Variants in C2CD2L observed in about 807,000 individuals in gnomAD.
C2CD2L encodes phospholipid transfer protein C2CD2L.
Under a neutral mutation model 69.9 loss-of-function variants are expected in C2CD2L, and 24 were observed. The observed-to-expected ratio is 0.34, with a 90% confidence interval of 0.25 to 0.48. The LOEUF (loss-of-function observed/expected upper bound fraction) is 0.48, where lower values mean the gene tolerates loss of function less well. Ranked by LOEUF, C2CD2L falls within the 20% of genes least tolerant of loss-of-function variation. The pLI is 0.99. For synonymous variants in C2CD2L, 367 were observed against 391.0 expected (o/e 0.94, Z 0.72); for missense variants, 811 against 941.5 (o/e 0.86, Z 1.81).
In C2CD2L at chr11:119,117,617, GA is replaced by G. The variant is rs1298475129; in HGVS notation, c.*1362del. On this transcript the variant is annotated 3_prime_UTR_variant, in exon 14 of 14. Coordinates refer to ENST00000648610, the MANE Select transcript of C2CD2L (RefSeq NM_001290474.2). ...TAACTGTTGCCTCAGAAGAAACTGG[GA>G]GGGGGAAGTCTTAGAAGTGTTTCAA... is the stretch of plus-strand genomic sequence containing the variant. 1.3e-5 allele frequency: 2 copies of G among 152,228 alleles called. No individual in the cohort carries two copies. The highest frequency in any genetic ancestry group is 2.9e-5 in the Non-Finnish European group (2 of 68,042). The allele number at this position is 152,228 out of a possible 1,614,324, so 9.4% of individuals were successfully genotyped here.
At position 119,107,731 on chromosome 11, in the gene C2CD2L, C is replaced by T; in HGVS notation, c.-11C>T. 2.7e-6 allele frequency: 4 copies of T among 1,479,252 alleles called. No individual in the cohort carries two copies. The highest frequency in any genetic ancestry group is 1.8e-6 in the Non-Finnish European group (2 of 1,126,118). The allele number at this position is 1,479,252 out of a possible 1,614,324, so 91.6% of individuals were successfully genotyped here. On this transcript the variant is annotated 5_prime_UTR_variant, in exon 1 of 14. Coordinates refer to ENST00000648610, the MANE Select transcript of C2CD2L (RefSeq NM_001290474.2). This position sits in a 1 kb window ranked among gnomAD's most constrained non-coding sequence, Gnocchi z 5.4. ...CCCCAGCCGGGACCGGGATCGGAGCCCGCGCGGAGCATGGATCCGGGCTGG... is the reference window on the plus strand; with the variant it reads ...CCCCAGCCGGGACCGGGATCGGAGCTCGCGCGGAGCATGGATCCGGGCTGG...
Position 119,112,546 on chromosome 11 carries a change from G to T in C2CD2L, c.1149G>T (p.Gln383His). The change falls in exon 9 of 14, where the codon CAG (glutamine) becomes CAT (histidine). Residue 383 changes from glutamine (Q) to histidine (H), a missense_variant. Coordinates refer to ENST00000648610, the MANE Select transcript of C2CD2L (RefSeq NM_001290474.2). ...CCTCCAGACCACTGTCTCGAAGACA[G>T]TTGTGCCCACTCACCCCAGGGCCAG... ...GSPSRPLSRR[Q>H]LCPLTPGPGK... is the part of the protein sequence containing the mutation. 1 of 1,613,460 alleles carries T rather than the reference G, an allele frequency of 6.2e-7. No individual in the cohort carries two copies. The highest frequency in any genetic ancestry group is 8.5e-7 in the Non-Finnish European group (1 of 1,179,830).
At chr11:119,106,019 C>T (rs1946579148), upstream of C2CD2L, among the ~76,000 whole-genome samples, 1 of 152,208 alleles carries the variant, frequency 6.6e-6, no homozygotes. Context: ...GATTAGAAAC[C>T]CAGACTCTAG....
chr11:119,105,912 C>T (rs1307965403), upstream of C2CD2L, among the ~76,000 whole-genome samples: 1 of 152,194 alleles, frequency 6.6e-6, no homozygotes. Flanking sequence ...CTCCCCTAAA[C>T]CCTAGCTGCT....
At chr11:119,108,126 T>C in intron 1 of C2CD2L, 31 bp downstream of exon 1, 1 of 1,462,366 alleles carries the variant, frequency 6.8e-7, no homozygotes, top group East Asian at 2.5e-5. Context: ...GGGTGGTCCC[T>C]TCAGCCTTTC....
In C2CD2L at chr11:119,118,345, A is replaced by G. The variant is rs2134984503; in HGVS notation, c.*2089A>G. 6.6e-6 allele frequency: 1 copy of G among 152,246 alleles called. No homozygotes were observed. Among genetic ancestry groups the G allele is most frequent in the South Asian group, 2.1e-4 (1 of 4,826 alleles). The allele number at this position is 152,246 out of a possible 1,614,324, so 9.4% of individuals were successfully genotyped here. On this transcript the variant is annotated 3_prime_UTR_variant, in exon 14 of 14. Coordinates refer to ENST00000648610, the MANE Select transcript of C2CD2L (RefSeq NM_001290474.2). ...TCCCACTTATAAATGAGAATATGCC[A>G]TATTTGACTTTGTTTCTGAGTTATT... is the stretch of plus-strand genomic sequence containing the variant.
Position 119,107,949 on chromosome 11 carries a change from C to A in C2CD2L, c.208C>A (p.Leu70Met). Residue 70 changes from leucine to methionine, a missense_variant, in exon 1 of 14, where the codon CTG becomes ATG. Coordinates refer to ENST00000648610, the MANE Select transcript of C2CD2L (RefSeq NM_001290474.2). This position sits in a 1 kb window ranked among gnomAD's most constrained non-coding sequence, Gnocchi z 5.4. Reference protein sequence around the residue: ...LRELGVWRSLLRLRATRAGAA... With the variant: ...LRELGVWRSLMRLRATRAGAA... ...GGAGCTGGGCGTGTGGCGCTCGCTG[C>A]TGCGGCTGCGGGCGACTCGGGCTGG... The A allele has an allele frequency of 6.5e-7, 1 of 1,548,972 alleles. No homozygotes were observed. The highest frequency in any genetic ancestry group is 1.4e-5 in the African/African-American group (1 of 69,330).
rs1001491821 is a variant in C2CD2L, at chr11:119,116,517, C to A, written c.*261C>A. ...GCCCTGTCCGGCATGTGTGGGTATT[C>A]CCCAGAAGCATTTGCCTCCTGCTGA... On this transcript the variant is annotated 3_prime_UTR_variant, in exon 14 of 14. Coordinates refer to ENST00000648610, the MANE Select transcript of C2CD2L (RefSeq NM_001290474.2). 10 of 572,622 alleles carry A rather than the reference C, an allele frequency of 1.7e-5. No individual in the cohort carries two copies. The highest frequency in any genetic ancestry group is 2.8e-5 in the Non-Finnish European group (9 of 320,196). The allele number at this position is 572,622 out of a possible 1,614,324, so 35.5% of individuals were successfully genotyped here.
In C2CD2L at chr11:119,110,118, C is replaced by T. The variant is rs1240701782; in HGVS notation, c.369C>T (p.Ile123=). The T allele has an allele frequency of 1.6e-5, 26 of 1,612,990 alleles. No individual in the cohort carries two copies. The highest frequency in any genetic ancestry group is 2.2e-5 in the Non-Finnish European group (26 of 1,179,036). Residue 123 remains isoleucine, a synonymous_variant, in exon 2 of 14, where the codon ATC becomes ATT. Transcript: ENST00000648610. This position sits in a 1 kb window ranked among gnomAD's most constrained non-coding sequence, Gnocchi z 5.7. ...TACTCCCTCAGAGCTCCATCCAAAT[C>T]GCCTTTGAGGAGGTGCCCCAACTCC... ...QACRNGSSIQ[I]AFEEVPQLPP... is the part of the protein sequence containing the mutation.
rs773448525 is a variant in C2CD2L, at chr11:119,111,063, A to C, written c.693A>C (p.Glu231Asp). Reference protein sequence around the residue: ...PKLQARERGEEQVELSTIEEL... With the variant: ...PKLQARERGEDQVELSTIEEL... The stretch of plus-strand genomic sequence containing the variant: ...TCTTCTCTCTGCAGAGAGGTGAAGA[A>C]CAAGTGGAGCTCTCCACAATTGAGG... Residue 231 changes from glutamate to aspartate, a missense_variant, in exon 5 of 14, where the codon GAA becomes GAC. By Grantham distance (45) the Glu-to-Asp change is conservative. Coordinates refer to ENST00000648610, the MANE Select transcript of C2CD2L (RefSeq NM_001290474.2). 6.2e-7 allele frequency: 1 copy of C among 1,614,032 alleles called. No individual in the cohort carries two copies. The highest frequency in any genetic ancestry group is 1.1e-5 in the South Asian group (1 of 91,076).
At position 119,112,351 on chromosome 11, in the gene C2CD2L, A is replaced by G. The variant is rs758713281; in HGVS notation, c.1043A>G (p.Glu348Gly). Residue 348 changes from glutamate (E) to glycine (G), a missense_variant, in exon 8 of 14, where the codon GAG becomes GGG. Transcript: ENST00000648610. ...AGGGATCTGGGCCCCCAGAGCCGGG[A>G]GCTGACCCTCAAAGTGCTGAGGAGC... ...LALDLGPQSR[E>G]LTLKVLRSSS... The G allele has an allele frequency of 8.1e-6, 13 of 1,613,026 alleles. No homozygotes were observed. Among genetic ancestry groups the G allele is most frequent in the Non-Finnish European group, 1.1e-5 (13 of 1,179,858 alleles).
In C2CD2L at chr11:119,112,486, ACTC is replaced by A; in HGVS notation, c.1092_1094del (p.Leu365del). The A allele has an allele frequency of 6.2e-7, 1 of 1,613,652 alleles. No individual in the cohort carries two copies. Among genetic ancestry groups the A allele is most frequent in the South Asian group, 1.1e-5 (1 of 91,078 alleles). On this transcript the variant is annotated inframe_deletion, in exon 9 of 14. Transcript: ENST00000648610. ...CAGTGCCATCCCTTTCCCCAGCCGA[ACTC>A]CTAGGCCAGGCCACACTGCCTGTGG...
rs11314104 is a variant in C2CD2L at position 119,114,637 on chromosome 11, TA to T, written c.1909+281del. 0.57 allele frequency: 239,977 copies of T among 418,154 alleles called. 71,883 individuals carry two copies. Among genetic ancestry groups the T allele is most frequent in the African/African-American group, 0.76 (37,790 of 49,504 alleles). 25.9% of individuals were successfully genotyped at this position (418,154 alleles called of 1,614,324 possible). A position where few individuals can be genotyped will look rare whatever the true frequency, so the allele number is the denominator to read the frequency against. On this transcript the variant is annotated intron_variant, in intron 13 of 13. Coordinates refer to ENST00000648610, the MANE Select transcript of C2CD2L (RefSeq NM_001290474.2). The surrounding 1 kb of genome is among the most constrained non-coding windows in gnomAD (Gnocchi z 5.1). Reference sequence around the variant, plus strand: ...TCTAAGTGCCATTTTTCCTGCCCTTTAAAAAAAAATTATAAAAATTTATTCC... The same window carrying T: ...TCTAAGTGCCATTTTTCCTGCCCTTTAAAAAAAATTATAAAAATTTATTCC...
rs1262964331 is a variant in C2CD2L at position 119,114,007 on chromosome 11, G to A, written c.1623+19G>A. 1.2e-6 allele frequency: 2 copies of A among 1,613,538 alleles called. No homozygotes were observed. On this transcript the variant is annotated intron_variant, in intron 12 of 13. Transcript: ENST00000648610. The surrounding 1 kb of genome is among the most constrained non-coding windows in gnomAD (Gnocchi z 5.1). ...TTCCAAGGTAACAGGGCTCTGGGGAGAGGAGCTGGGATGGGGAGAAAGCCC... is the reference window on the plus strand; with the variant it reads ...TTCCAAGGTAACAGGGCTCTGGGGAAAGGAGCTGGGATGGGGAGAAAGCCC...
At chr11:119,111,815 C>T in intron 7 of C2CD2L, 186 bp downstream of exon 7, 1 of 558,100 alleles carries the variant, frequency 1.8e-6, no homozygotes, top group East Asian at 3.0e-5. Context: ...ACCCCTGGGT[C>T]AATGACAAGC....
Position 119,116,443 on chromosome 11 carries a change from C to G in C2CD2L, c.*187C>G. ...GGGAAGCACATGAGAGGTGGGCACC[C>G]GGTGCCGAGGACATGGACGAGGGAC... On this transcript the variant is annotated 3_prime_UTR_variant, in exon 14 of 14. Coordinates refer to ENST00000648610, the MANE Select transcript of C2CD2L (RefSeq NM_001290474.2). 1.7e-6 allele frequency: 1 copy of G among 605,234 alleles called. No individual in the cohort carries two copies. Among genetic ancestry groups the G allele is most frequent in the Non-Finnish European group, 2.9e-6 (1 of 340,780 alleles). 37.5% of individuals were successfully genotyped at this position (605,234 alleles called of 1,614,324 possible).
rs72999357 is a variant in C2CD2L at position 119,110,474 on chromosome 11, G to A, written c.451-87G>A. On this transcript the variant is annotated intron_variant, in intron 2 of 13. Transcript: ENST00000648610. The surrounding 1 kb of genome is among the most constrained non-coding windows in gnomAD (Gnocchi z 5.7). Reference sequence around the variant, plus strand: ...ATGAAGTCCTTAGGAAAACGGAAGTGGGGAGGGGTCTGCTGAACTATTACA... The same window carrying A: ...ATGAAGTCCTTAGGAAAACGGAAGTAGGGAGGGGTCTGCTGAACTATTACA... The A allele has an allele frequency of 8.4e-3, 12,063 of 1,442,034 alleles. 58 individuals are homozygous for A. Among genetic ancestry groups the A allele is most frequent in the Non-Finnish European group, 9.6e-3 (10,343 of 1,077,188 alleles). 89.3% of individuals were successfully genotyped at this position (1,442,034 alleles called of 1,614,324 possible). A position where few individuals can be genotyped will look rare whatever the true frequency, so the allele number is the denominator to read the frequency against.
In C2CD2L at chr11:119,111,344, C is replaced by T. The variant is rs1376923865; in HGVS notation, c.880C>T (p.Arg294Trp). The T allele has an allele frequency of 5.6e-6, 9 of 1,614,106 alleles. No individual in the cohort carries two copies. The highest frequency in any genetic ancestry group is 1.1e-5 in the South Asian group (1 of 91,084). The change falls in exon 6 of 14, where the codon CGG becomes TGG. Residue 294 changes from arginine to tryptophan, a missense_variant. Coordinates refer to ENST00000648610, the MANE Select transcript of C2CD2L (RefSeq NM_001290474.2). Reference sequence around the variant, plus strand: ...TAACCGGTTATTCCTACGGCAGCTTCGGGCATCTCACTTGGGAAATGAGCT... The same window carrying T: ...TAACCGGTTATTCCTACGGCAGCTTTGGGCATCTCACTTGGGAAATGAGCT... Reference protein sequence around the residue: ...RPNRLFLRQLRASHLGNELEG... With the variant: ...RPNRLFLRQLWASHLGNELEG...
chr11:119,113,906 G>A lies in C2CD2L; in HGVS notation c.1541G>A (p.Arg514His), dbSNP rs757458542. 3 of 1,614,166 alleles carry A rather than the reference G, an allele frequency of 1.9e-6. No individual in the cohort carries two copies. The highest frequency in any genetic ancestry group is 2.5e-6 in the Non-Finnish European group (3 of 1,180,042). The part of the protein sequence containing the change: ...GLDPVAETAI[R>H]QLTEPSGRVA... ...GACCCTGTAGCAGAGACAGCGATTC[G>A]CCAGCTGACAGAGCCCAGTGGGCGG... Residue 514 changes from arginine to histidine, a missense_variant, in exon 12 of 14, where the codon CGC becomes CAC. By Grantham distance (29) the Arg-to-His change is conservative. Coordinates refer to ENST00000648610, the MANE Select transcript of C2CD2L (RefSeq NM_001290474.2).
Sources: allele counts gnomAD v4.1 joint callset (sites outside exome capture counted in the v4.1 genomes callset), GRCh38; gene constraint gnomAD v4.1.1; non-coding constraint Gnocchi (gnomAD v3.1); transcripts MANE v1.5; gene names NCBI Gene and HGNC (gene_info 2026-07-23, HGNC 2026-07-21).